LIPA: variants seen among roughly 807,000 people sequenced by gnomAD.
The protein encoded by LIPA is lysosomal acid lipase/cholesteryl ester hydrolase.
In LIPA, 26 loss-of-function variants were observed where a neutral mutation model predicts 40.6. The observed-to-expected ratio is 0.64, with a 90% CI of 0.47 to 0.89. The LOEUF (loss-of-function observed/expected upper bound fraction) is 0.89, where lower values mean the gene tolerates loss of function less well. LIPA is among the 40% of genes least tolerant of loss of function. The probability of loss-of-function intolerance (pLI) is 0.00; values close to 1 mark genes in which losing one functional copy is unlikely to be tolerated. For synonymous variants in LIPA, 188 were observed against 168.4 expected (o/e 1.12, Z -0.90); for missense variants, 455 against 479.6 (o/e 0.95, Z 0.48).
chr10:89,243,463 G>T (rs113170756), intron 3 of LIPA, among the ~76,000 whole-genome samples: 1 of 152,242 alleles, frequency 6.6e-6, no homozygotes, highest in African/African-American at 2.4e-5. Flanking sequence ...GCTATGAACA[G>T]ATTTAGCTTA....
intron 2 of LIPA, among the ~76,000 whole-genome samples, chr10:89,390,828 C>T (rs1302029134): frequency 6.6e-6 from 1 of 152,200 alleles, no homozygotes; most frequent in Non-Finnish European, 1.5e-5. Flanking sequence ...AGTGCATTGG[C>T]AAATTGAAAA....
intron 1 of LIPA, among the ~76,000 whole-genome samples, chr10:89,331,704 C>G (rs1215662541): frequency 1.3e-5 from 2 of 151,456 alleles, no homozygotes; most frequent in Non-Finnish European, 2.9e-5. Flanking sequence ...ACTAAAAATA[C>G]AAAAATCAGC....
At chr10:89,387,645 CA>C (rs576690869) in intron 2 of LIPA, among the ~76,000 whole-genome samples, 182 of 152,236 alleles carry the variant, frequency 1.2e-3, no homozygotes, top group African/African-American at 4.1e-3. Context: ...GCAACCATGT[CA>C]ATATTTTGCC....
intron 8 of LIPA, among the ~76,000 whole-genome samples, chr10:89,219,322 C>A (rs984274745): frequency 1.3e-5 from 2 of 152,102 alleles, no homozygotes; most frequent in East Asian, 3.9e-4. Context: ...GTCAGAACAA[C>A]ACTGGAAAAC....
rs1253166155 is a variant in LIPA at position 89,225,137 on chromosome 10, A to G, written c.630T>C (p.Thr210=). Residue 210 remains threonine (T), a synonymous_variant, in exon 6 of 10, where the codon ACT becomes ACC. Coordinates refer to ENST00000336233, the MANE Select transcript of LIPA (RefSeq NM_000235.4). ...LGPVASVAFC[T]SPMAKLGRLP... ...ATCGTCCTAATTTGGCCATAGGGCT[A>G]GTACAGAAGGCGACGGAAGCCACAG... 8 of 1,614,108 alleles carry G rather than the reference A, an allele frequency of 5.0e-6. No homozygotes were observed. The highest frequency in any genetic ancestry group is 5.9e-6 in the Non-Finnish European group (7 of 1,180,042).
upstream of LIPA, among the ~76,000 whole-genome samples, chr10:89,253,061 T>A (rs1479918847): frequency 6.6e-6 from 1 of 152,072 alleles, no homozygotes; most frequent in African/African-American, 2.4e-5. Context: ...GAACATGAAG[T>A]CCTAGAAGTC....
At chr10:89,369,372 G>A (rs1405381688) in intron 2 of LIPA, among the ~76,000 whole-genome samples, 1 of 152,142 alleles carries the variant, frequency 6.6e-6, no homozygotes, top group African/African-American at 2.4e-5. Flanking sequence ...TGCCAGGATG[G>A]GCTCCTGGAC....
chr10:89,334,600 A>AATC (rs1161237993), intron 1 of LIPA, among the ~76,000 whole-genome samples: 2 of 71,382 alleles, frequency 2.8e-5, no homozygotes, highest in African/African-American at 3.2e-4. Flanking sequence ...GTTTCAAGCA[A>AATC]TTCTGCCTCG....
chr10:89,366,651 C>T (rs539058378), intron 2 of LIPA, among the ~76,000 whole-genome samples: 1 of 152,176 alleles, frequency 6.6e-6, no homozygotes, highest in Admixed American at 6.5e-5. Context: ...GTTAGAATGG[C>T]CATCATTAAA....
At chr10:89,258,022 T>C (rs977748767) in intron 1 of LIPA, among the ~76,000 whole-genome samples, 65 of 152,284 alleles carry the variant, frequency 4.3e-4, no homozygotes, top group African/African-American at 1.5e-3. Context: ...CAGAAGGCAC[T>C]CAATAAAAGA....
At chr10:89,216,423 A>ATG (rs1842627777) in intron 8 of LIPA, among the ~76,000 whole-genome samples, 1 of 149,838 alleles carries the variant, frequency 6.7e-6, no homozygotes, top group Non-Finnish European at 1.5e-5. Context: ...ATATATATAT[A>ATG]TAATAGAGAG....
intron 3 of LIPA, among the ~76,000 whole-genome samples, chr10:89,231,990 T>G (rs117498076): frequency 6.6e-6 from 1 of 152,348 alleles, no homozygotes; most frequent in East Asian, 1.9e-4. Flanking sequence ...CAGCGTCTTA[T>G]GCACAGGCTT....
At chr10:89,311,354 C>G (rs1370944296) in intron 1 of LIPA, among the ~76,000 whole-genome samples, 1 of 151,830 alleles carries the variant, frequency 6.6e-6, no homozygotes, top group Admixed American at 6.6e-5. Flanking sequence ...GAAACCCCAT[C>G]TCTACCAAAA....
chr10:89,374,185 G>A lies in LIPA; in HGVS notation c.61+38606C>T, dbSNP rs759183975. ...ATCAAGTTCACTCTGCTAGTTCGTC[G>A]AACACAGAGCTGGTTCTGGAATGTT... On this transcript the variant is annotated intron_variant, in intron 2 of 8. Transcript: ENST00000371837. 5.9e-5 allele frequency among the ~76,000 whole-genome samples: 9 copies of A among 152,178 alleles called. 1 individual carries two copies. The East Asian group carries it at 7.7e-4, about 13-fold the overall frequency.
chr10:89,247,279 C>T (rs1488722469), intron 2 of LIPA, among the ~76,000 whole-genome samples: 1 of 147,490 alleles, frequency 6.8e-6, no homozygotes, highest in Non-Finnish European at 1.5e-5. Flanking sequence ...GGCTGAGGCT[C>T]GAGAATCACT....
intron 1 of LIPA, chr10:89,340,035 A>C (rs772055570): frequency 1.2e-6 from 2 of 1,614,204 alleles, no homozygotes; most frequent in Non-Finnish European, 1.7e-6. Flanking sequence ...TCCTGTCAGC[A>C]TCTGAGCTTG....
chr10:89,349,392 T>A (rs1843944217), intron 2 of LIPA, among the ~76,000 whole-genome samples: 1 of 152,212 alleles, frequency 6.6e-6, no homozygotes, highest in Non-Finnish European at 1.5e-5. Context: ...TTAACTTTCC[T>A]TTCATATGAT....
intron 1 of LIPA, among the ~76,000 whole-genome samples, chr10:89,316,414 AT>A (rs1467640914): frequency 2.6e-5 from 4 of 152,160 alleles, no homozygotes; most frequent in Non-Finnish European, 4.4e-5. Context: ...ACACCAGGAG[AT>A]TATATCCTGC....
intron 1 of LIPA, among the ~76,000 whole-genome samples, chr10:89,260,982 G>A (rs1843204567): frequency 6.6e-6 from 1 of 152,182 alleles, no homozygotes; most frequent in Non-Finnish European, 1.5e-5. Flanking sequence ...GTAGCTAGTA[G>A]TGACACATTC....
Sources: allele counts gnomAD v4.1 joint callset (sites outside exome capture counted in the v4.1 genomes callset), GRCh38; gene constraint gnomAD v4.1.1; transcripts MANE v1.5; gene names NCBI Gene and HGNC (gene_info 2026-07-23, HGNC 2026-07-21).